Variants in CHST9 observed in about 807,000 individuals in gnomAD.
CHST9 encodes carbohydrate sulfotransferase 9.
In CHST9, 41 loss-of-function variants were observed where a neutral mutation model predicts 44.4. The observed-to-expected ratio is 0.92, with a 90% CI of 0.72 to 1.20. CHST9 has a LOEUF of 1.20. CHST9 is among the 50% of genes most tolerant of loss of function. CHST9 has a pLI of 0.00. For synonymous variants in CHST9, 171 were observed against 178.4 expected (o/e 0.96, Z 0.33); for missense variants, 504 against 516.5 (o/e 0.98, Z 0.23).
chr18:26,948,427 A>G (rs113206200), intron 4 of CHST9, among the ~76,000 whole-genome samples: 287 of 152,328 alleles, frequency 1.9e-3, no homozygotes, highest in African/African-American at 6.6e-3. Context: ...TGCATTTTTA[A>G]AAGACCACTC....
At chr18:27,036,450 A>G (rs1396193764) in intron 3 of CHST9, among the ~76,000 whole-genome samples, 8 of 152,248 alleles carry the variant, frequency 5.3e-5, no homozygotes, top group African/African-American at 1.9e-4. Context: ...CTAGAATTAC[A>G]TTACAGGGTT....
chr18:27,020,722 A>G (rs192154250), intron 4 of CHST9, among the ~76,000 whole-genome samples: 226 of 152,348 alleles, frequency 1.5e-3, no homozygotes, highest in African/African-American at 4.9e-3. Flanking sequence ...TGCAAGATAT[A>G]GCCTATATTT....
intron 2 of CHST9, among the ~76,000 whole-genome samples, chr18:27,071,970 T>C (rs2057845538): frequency 6.6e-6 from 1 of 152,238 alleles, no homozygotes; most frequent in South Asian, 2.1e-4. Flanking sequence ...ATATTTGCTG[T>C]CTTTTCTATT....
intron 2 of CHST9, among the ~76,000 whole-genome samples, chr18:27,130,162 A>G (rs946851287): frequency 6.6e-6 from 1 of 152,146 alleles, no homozygotes; most frequent in Admixed American, 6.5e-5. Context: ...GTTTATTTCT[A>G]TTAGGAAAAT....
At chr18:27,023,377 A>C (rs2057247566) in intron 4 of CHST9, among the ~76,000 whole-genome samples, 1 of 152,214 alleles carries the variant, frequency 6.6e-6, no homozygotes, top group Admixed American at 6.5e-5. Flanking sequence ...TAGAATAATT[A>C]GTTTGGAAAG....
At chr18:26,934,202 G>C (rs1389625302) in intron 5 of CHST9, 1 of 152,314 alleles carries the variant, frequency 6.6e-6, no homozygotes, top group African/African-American at 2.4e-5. Flanking sequence ...GGGAGTTTTA[G>C]ACAGGTACAG....
At chr18:26,990,144 GA>G (rs2056799607) in intron 4 of CHST9, among the ~76,000 whole-genome samples, 1 of 152,076 alleles carries the variant, frequency 6.6e-6, no homozygotes, top group African/African-American at 2.4e-5. Context: ...AAGCCAGGTG[GA>G]AATGAGTACA....
At chr18:27,000,662 A>C (rs867233682) in intron 4 of CHST9, among the ~76,000 whole-genome samples, 518 of 131,698 alleles carry the variant, frequency 3.9e-3, no homozygotes, top group South Asian at 5.2e-3. Flanking sequence ...CTATCTCTCT[A>C]TCTATCTATT....
intron 2 of CHST9, among the ~76,000 whole-genome samples, chr18:27,125,139 T>C (rs2058409175): frequency 6.6e-6 from 1 of 152,204 alleles, no homozygotes; most frequent in South Asian, 2.1e-4. Context: ...ATGGGTCATA[T>C]AGAAAGCAAT....
chr18:26,935,331 G>C (rs188181196), intron 5 of CHST9: 1 of 152,246 alleles, frequency 6.6e-6, no homozygotes, highest in Non-Finnish European at 1.5e-5. Context: ...CTCAAGTATG[G>C]AATACTTGAG....
intron 5 of CHST9, among the ~76,000 whole-genome samples, chr18:26,926,861 T>G (rs2055777901): frequency 6.6e-6 from 1 of 152,208 alleles, no homozygotes; most frequent in African/African-American, 2.4e-5. Flanking sequence ...CCCAATAAAT[T>G]ATATTTGGCA....
At chr18:27,083,361 C>G (rs547323950) in intron 2 of CHST9, among the ~76,000 whole-genome samples, 1 of 152,086 alleles carries the variant, frequency 6.6e-6, no homozygotes, top group Admixed American at 6.6e-5. Context: ...AGATCCAAAT[C>G]CATTAAAACT....
rs142604095 is a variant in CHST9 at position 27,015,791 on chromosome 18, T to G, written c.202+8325A>C. ...ACCCTTTTTAGTAGAATTCTCTGCT[T>G]CTTGTTTCTCTGCAATCCATATTAC... On this transcript the variant is annotated intron_variant, in intron 4 of 5. Coordinates refer to ENST00000618847, the MANE Select transcript of CHST9 (RefSeq NM_031422.6). 3.1e-4 allele frequency among the ~76,000 whole-genome samples: 47 copies of G among 152,246 alleles called. 1 individual carries two copies. The highest frequency in any genetic ancestry group is 1.1e-3 in the African/African-American group (45 of 41,538).
intron 2 of CHST9, among the ~76,000 whole-genome samples, chr18:27,070,869 G>A (rs1406679404): frequency 6.6e-6 from 1 of 152,172 alleles, no homozygotes; most frequent in Non-Finnish European, 1.5e-5. Context: ...GTGCTTTTTG[G>A]TAGGTTTGGT....
intron 3 of CHST9, among the ~76,000 whole-genome samples, chr18:27,033,964 G>A (rs567249848): frequency 1.3e-5 from 2 of 152,182 alleles, no homozygotes; most frequent in South Asian, 4.1e-4. Flanking sequence ...ACATGTCATC[G>A]ATAACCAAGT....
At position 26,957,425 on chromosome 18, in the gene CHST9, G is replaced by A. The variant is rs77147161; in HGVS notation, c.203-13059C>T. Among the ~76,000 whole-genome samples, 34 of 152,220 alleles carry A rather than the reference G, an allele frequency of 2.2e-4. No individual in the cohort carries two copies. The East Asian group carries it at 6.4e-3, about 29-fold the overall frequency. On this transcript the variant is annotated intron_variant, in intron 4 of 5. Coordinates refer to ENST00000618847, the MANE Select transcript of CHST9 (RefSeq NM_031422.6). ...TAGTGTAGACATGCTATCTCAGTAC[G>A]TTTGTCCCAAAGAGAGCTATCAATT...
intron 3 of CHST9, among the ~76,000 whole-genome samples, chr18:27,034,944 T>G (rs2057376139): frequency 6.6e-6 from 1 of 152,258 alleles, no homozygotes; most frequent in South Asian, 2.1e-4. Context: ...TGAAGCAGGT[T>G]ATTTAAAATT....
At chr18:27,120,364 T>C (rs180817646) in intron 2 of CHST9, among the ~76,000 whole-genome samples, 1 of 152,312 alleles carries the variant, frequency 6.6e-6, no homozygotes, top group East Asian at 1.9e-4. Context: ...TAACAGATGT[T>C]ATTTTTCTCC....
chr18:27,113,260 T>G (rs1217147331), intron 2 of CHST9, among the ~76,000 whole-genome samples: 1 of 152,086 alleles, frequency 6.6e-6, no homozygotes, highest in Non-Finnish European at 1.5e-5. Context: ...CTTCCCAGAC[T>G]TGGTCTTTTC....
Sources: gnomAD v4.1 joint callset for allele counts (sites outside exome capture counted in the v4.1 genomes callset) on GRCh38, gnomAD v4.1.1 for gene constraint, MANE v1.5 for transcripts, NCBI Gene and HGNC (gene_info 2026-07-23, HGNC 2026-07-21) for gene names.